The following STK33 variants were observed in gnomAD, a reference collection of about 807,000 sequenced individuals.
STK33 encodes the protein serine/threonine kinase 33, also known as serine/threonine-protein kinase 33.
In STK33, 52 loss-of-function variants were observed where a neutral mutation model predicts 58.0. The observed-to-expected ratio is 0.90, with a 90% confidence interval of 0.72 to 1.13. The LOEUF (loss-of-function observed/expected upper bound fraction) is 1.13, where lower values mean the gene tolerates loss of function less well. Among genes scored for constraint, STK33 ranks in the 50% most tolerant of loss-of-function variants. The pLI, the probability that STK33 is intolerant of heterozygous loss-of-function variation, is 0.00. For synonymous variants in STK33, 215 were observed against 200.1 expected (o/e 1.07, Z -0.63); for missense variants, 630 against 604.2 (o/e 1.04, Z -0.45).
At chr11:8,545,850 A>C (rs1955867753) in intron 1 of STK33, among the ~76,000 whole-genome samples, 1 of 152,222 alleles carries the variant, frequency 6.6e-6, no homozygotes, top group African/African-American at 2.4e-5. Flanking sequence ...ATGGGAATAC[A>C]TTTGAGAACT....
rs1404836285 is a variant in STK33, at chr11:8,419,330, G to A, written c.1147-5638C>T. Among the ~76,000 whole-genome samples, 4 of 152,164 alleles carry A rather than the reference G, an allele frequency of 2.6e-5. No individual in the cohort carries two copies. In the South Asian group the frequency reaches 8.3e-4, roughly 32 times the overall value. Reference sequence around the variant, plus strand: ...GCCAGTTATCCCAGCACCATTTATCGAATAGAAAGTCCTTTCCCCACTGCT... The same window carrying A: ...GCCAGTTATCCCAGCACCATTTATCAAATAGAAAGTCCTTTCCCCACTGCT... On this transcript the variant is annotated intron_variant, in intron 14 of 15. Transcript: ENST00000687296.
intron 14 of STK33, chr11:8,434,246 CAAAAAAAA>C (rs11330436): frequency 3.2e-5 from 3 of 94,200 alleles, no homozygotes; most frequent in East Asian, 3.0e-4. Context: ...GACTCCGTCT[CAAAAAAAA>C]AAAAAAAAAA....
intron 15 of STK33, among the ~76,000 whole-genome samples, chr11:8,411,415 G>A (rs1464753086): frequency 6.6e-6 from 1 of 152,204 alleles, no homozygotes; most frequent in Non-Finnish European, 1.5e-5. Context: ...GGAACTAAGG[G>A]ACCATTATTT....
At chr11:8,448,391 G>A (rs1355048495) in intron 11 of STK33, among the ~76,000 whole-genome samples, 2 of 152,048 alleles carry the variant, frequency 1.3e-5, no homozygotes, top group Admixed American at 6.6e-5. Flanking sequence ...TATACTACAA[G>A]GCTACAGTAA....
At chr11:8,365,390 G>A in the STK33 span, among the ~76,000 whole-genome samples, 2 of 152,170 alleles carry the variant, frequency 1.3e-5, no homozygotes, top group Admixed American at 6.5e-5. Context: ...GCTCAGCCCC[G>A]CTGCCCCATT....
At chr11:8,433,700 A>T (rs1943688776) in intron 14 of STK33, among the ~76,000 whole-genome samples, 1 of 152,198 alleles carries the variant, frequency 6.6e-6, no homozygotes, top group Non-Finnish European at 1.5e-5. Context: ...AGTTGTTAGA[A>T]TAAAATCTAG....
At position 8,407,659 on chromosome 11, in the gene STK33, G is replaced by A. The variant is rs541296746; in HGVS notation, c.1344+5836C>T. On this transcript the variant is annotated intron_variant, in intron 15 of 15. Transcript: ENST00000687296. ...AAGCCTGAAGATAGATCAATAGAAA[G>A]TATCCAATGTAAAGAATAGAAAAAA... Among the ~76,000 whole-genome samples, 11 of 151,780 alleles carry A rather than the reference G, an allele frequency of 7.2e-5. No individual in the cohort carries two copies. In the East Asian group the frequency reaches 1.4e-3, roughly 19 times the overall value.
intron 1 of STK33, among the ~76,000 whole-genome samples, chr11:8,537,992 G>C (rs1289663452): frequency 6.6e-6 from 1 of 151,806 alleles, no homozygotes; most frequent in Non-Finnish European, 1.5e-5. Context: ...TTCAAGGCCA[G>C]ACTGGGCAAC....
At chr11:8,464,892 CT>C in intron 6 of STK33, 70 bp from the exon 7 acceptor site, 1 of 913,600 alleles carries the variant, frequency 1.1e-6, no homozygotes, top group African/African-American at 1.7e-5. Context: ...ACATATAATA[CT>C]GACAGATACT....
At chr11:8,357,419 G>A in the STK33 span, among the ~76,000 whole-genome samples, 2 of 152,272 alleles carry the variant, frequency 1.3e-5, no homozygotes, top group South Asian at 4.1e-4. Flanking sequence ...CCTCCAGGAG[G>A]AAAGGCCTTG....
chr11:8,466,493 C>T (rs185628250), intron 6 of STK33: 1 of 152,366 alleles, frequency 6.6e-6, no homozygotes, highest in East Asian at 1.9e-4. Flanking sequence ...TGTCTCACAT[C>T]CAGGTCACGC....
At chr11:8,523,874 G>C (rs1051507910) in intron 1 of STK33, among the ~76,000 whole-genome samples, 2 of 152,252 alleles carry the variant, frequency 1.3e-5, no homozygotes, top group Admixed American at 6.5e-5. Flanking sequence ...TTGTCGAATA[G>C]AAAAGGGGGA....
At chr11:8,487,606 G>T (rs906378629) in intron 1 of STK33, among the ~76,000 whole-genome samples, 9 of 152,094 alleles carry the variant, frequency 5.9e-5, no homozygotes, top group African/African-American at 1.9e-4. Flanking sequence ...GTCTTCAGTG[G>T]ACTGAAGAAT....
chr11:8,511,420 T>C (rs970851667), intron 1 of STK33, among the ~76,000 whole-genome samples: 2 of 152,112 alleles, frequency 1.3e-5, no homozygotes, highest in Non-Finnish European at 2.9e-5. Context: ...ACATCATTGA[T>C]GAACAGTGAC....
At chr11:8,539,982 T>C (rs960544905) in intron 1 of STK33, among the ~76,000 whole-genome samples, 3 of 152,128 alleles carry the variant, frequency 2.0e-5, no homozygotes, top group Non-Finnish European at 4.4e-5. Context: ...GGTACAGCCA[T>C]TATGGAAAAC....
chr11:8,369,108 C>T, the STK33 span, among the ~76,000 whole-genome samples: 1 of 152,142 alleles, frequency 6.6e-6, no homozygotes, highest in Admixed American at 6.5e-5. Context: ...GACAAAACTG[C>T]AGGTTACTAA....
At chr11:8,367,975 A>C in the STK33 span, among the ~76,000 whole-genome samples, 1 of 152,216 alleles carries the variant, frequency 6.6e-6, no homozygotes, top group East Asian at 1.9e-4. Context: ...GCTCAGCCCT[A>C]GCTTCTATGG....
chr11:8,383,290 G>C, the STK33 span, among the ~76,000 whole-genome samples: 4,019 of 152,304 alleles, frequency 0.026, 71 homozygotes, highest in Non-Finnish European at 0.041. Context: ...GGCTGGATGT[G>C]GCAGCTGGAG....
At chr11:8,407,214 T>C (rs1939389010) in intron 15 of STK33, among the ~76,000 whole-genome samples, 2 of 152,116 alleles carry the variant, frequency 1.3e-5, no homozygotes, top group African/African-American at 4.8e-5. Flanking sequence ...AATTATGATA[T>C]GCTATTCTTT....
Sources: gnomAD v4.1 joint callset for allele counts (sites outside exome capture counted in the v4.1 genomes callset) on GRCh38, gnomAD v4.1.1 for gene constraint, MANE v1.5 for transcripts, NCBI Gene and HGNC (gene_info 2026-07-23, HGNC 2026-07-21) for gene names.